MEX3C: variants seen among roughly 807,000 people sequenced by gnomAD.
MEX3C encodes mex-3 RNA binding family member C, also known as RNA-binding E3 ubiquitin-protein ligase MEX3C.
MEX3C carries 15 observed loss-of-function variants against 35.5 expected under a neutral mutation model. The observed-to-expected ratio is 0.42, with a 90% CI of 0.28 to 0.65. MEX3C has a LOEUF of 0.65. Among genes scored for constraint, MEX3C ranks in the 30% least tolerant of loss-of-function variants. The pLI is 0.20. For synonymous variants in MEX3C, 390 were observed against 352.8 expected (o/e 1.11, Z -1.18); for missense variants, 711 against 842.8 (o/e 0.84, Z 1.94).
In MEX3C at chr18:51,176,410, T is replaced by C; in HGVS notation, c.1921A>G (p.Thr641Ala). ...GTCTGGCAAACTGGACATGATGGCG[T>C]TCTCTTTTCACAGATCTTGTTGGCA... Reference protein sequence around the residue: ...ECANKICEKRTPSCPVCQTAV... With the variant: ...ECANKICEKRAPSCPVCQTAV... The change falls in exon 2 of 2, where the codon ACG (threonine) becomes GCG (alanine). Residue 641 changes from threonine (T) to alanine (A), a missense_variant. By Grantham distance (58) the Thr-to-Ala change is moderately conservative. Coordinates refer to ENST00000406189, the MANE Select transcript of MEX3C (RefSeq NM_016626.5). The C allele has an allele frequency of 6.2e-7, 1 of 1,613,996 alleles. No individual in the cohort carries two copies. Among genetic ancestry groups the C allele is most frequent in the Non-Finnish European group, 8.5e-7 (1 of 1,179,886 alleles).
At position 51,197,316 on chromosome 18, in the gene MEX3C, G is replaced by T. The variant is rs1271468900; in HGVS notation, c.5C>A (p.Pro2His). 1.9e-6 allele frequency: 1 copy of T among 514,898 alleles called. No individual in the cohort carries two copies. The highest frequency in any genetic ancestry group is 2.5e-6 in the Non-Finnish European group (1 of 401,702). The allele number at this position is 514,898 out of a possible 1,614,324, so 31.9% of individuals were successfully genotyped here. Residue 2 changes from proline (P) to histidine (H), a missense_variant, in exon 1 of 2, where the codon CCC becomes CAC. Physicochemically the swap from Pro to His is moderately conservative, Grantham distance 77. Around this residue, in one of 4 missense-constraint regions of MEX3C, gnomAD observed 354 missense variants for 311.6 expected, o/e 1.14. Coordinates refer to ENST00000406189, the MANE Select transcript of MEX3C (RefSeq NM_016626.5). MPSGSSAALALA... is the reference protein window; with the variant it reads MHSGSSAALALA... ...GGCCAGGGCCGCGGAGCTGCCGCTG[G>T]GCATCGCGGCGGCGCGCTGTCAATG...
intron 1 of MEX3C, chr18:51,196,356 C>A (rs1242131021): frequency 1.7e-6 from 2 of 1,195,468 alleles, no homozygotes; most frequent in South Asian, 1.6e-5. Flanking sequence ...AAACTTCACA[C>A]TTTTTACCAG....
rs760624106 is a variant in MEX3C, at chr18:51,196,879, C to T, written c.442G>A (p.Ala148Thr). 49 of 1,539,818 alleles carry T rather than the reference C, an allele frequency of 3.2e-5. No homozygotes were observed. Among genetic ancestry groups the T allele is most frequent in the Non-Finnish European group, 4.0e-5 (46 of 1,145,504 alleles). ...TGCTGGGTCTGAGAGGCGGTGGCCG[C>T]GGGCGGCGACAGCAGCAGCAGCGAC... is the stretch of plus-strand genomic sequence containing the variant. ...RSSLLLLSPP[A>T]ATASQTQQIP... Residue 148 changes from alanine (A) to threonine (T), a missense_variant, in exon 1 of 2, where the codon GCG becomes ACG. Ala to Thr is a moderately conservative substitution (Grantham distance 58). Transcript: ENST00000406189.
chr18:51,185,132 A>C (rs924649400), intron 1 of MEX3C, among the ~76,000 whole-genome samples: 1 of 152,232 alleles, frequency 6.6e-6, no homozygotes, highest in Non-Finnish European at 1.5e-5. Flanking sequence ...GCTAAAATCA[A>C]GGTGTTTGCA....
chr18:51,197,291 G>T lies in MEX3C; in HGVS notation c.30C>A (p.Ala10=), dbSNP rs541929504. ...GCAGGGGGGCCGGGGCCGCCGCCAG[G>T]GCCAGGGCCGCGGAGCTGCCGCTGG... The part of the protein sequence containing the change: MPSGSSAAL[A]LAAAPAPLPQ... The change falls in exon 1 of 2, where the codon GCC becomes GCA. Residue 10 remains alanine (A), a synonymous_variant. Transcript: ENST00000406189. 1 of 709,810 alleles carries T rather than the reference G, an allele frequency of 1.4e-6. No homozygotes were observed. Among genetic ancestry groups the T allele is most frequent in the Non-Finnish European group, 1.7e-6 (1 of 580,906 alleles). The allele number at this position is 709,810 out of a possible 1,614,324, so 44.0% of individuals were successfully genotyped here.
chr18:51,176,656 T>C lies in MEX3C; in HGVS notation c.1675A>G (p.Arg559Gly). The C allele has an allele frequency of 6.2e-7, 1 of 1,613,962 alleles. No individual in the cohort carries two copies. The highest frequency in any genetic ancestry group is 8.5e-7 in the Non-Finnish European group (1 of 1,179,886). ...PESIEHPLARRVRSDPPSTGN... is the reference protein window; with the variant it reads ...PESIEHPLARGVRSDPPSTGN... The stretch of plus-strand genomic sequence containing the variant: ...GTACTAGGTGGGTCGCTCCTAACCC[T>C]CCGAGCAAGTGGATGTTCTATGCTC... The change falls in exon 2 of 2, where the codon AGG (arginine) becomes GGG (glycine). Residue 559 changes from arginine to glycine, a missense_variant. This residue lies in a region of MEX3C where 87 missense variants were observed against 150.4 expected (regional missense o/e 0.58). Coordinates refer to ENST00000406189, the MANE Select transcript of MEX3C (RefSeq NM_016626.5).
At chr18:51,180,308 T>G (rs1912396706) in intron 1 of MEX3C, among the ~76,000 whole-genome samples, 1 of 151,996 alleles carries the variant, frequency 6.6e-6, no homozygotes, top group South Asian at 2.1e-4. Flanking sequence ...AATAAATAGG[T>G]GTTTAATGTA....
chr18:51,196,756 C>T lies in MEX3C; in HGVS notation c.565G>A (p.Gly189Arg). Residue 189 changes from glycine to arginine, a missense_variant, in exon 1 of 2, where the codon GGA (glycine) becomes AGA (arginine). Transcript: ENST00000406189. ...AAAAAAGVLY[G>R]GDDAQGMMAA... ...ATCATGCCCTGGGCATCGTCCCCTC[C>T]GTACAGCACCCCCGCCGCCGCCGCC... The T allele has an allele frequency of 4.0e-6, 6 of 1,511,022 alleles. No individual in the cohort carries two copies. Among genetic ancestry groups the T allele is most frequent in the Middle Eastern group, 3.5e-4 (2 of 5,728 alleles). The allele number at this position is 1,511,022 out of a possible 1,614,324, so 93.6% of individuals were successfully genotyped here. A position where few individuals can be genotyped will look rare whatever the true frequency, so the allele number is the denominator to read the frequency against.
At chr18:51,185,773 G>GT (rs1912523519) in intron 1 of MEX3C, among the ~76,000 whole-genome samples, 1 of 152,112 alleles carries the variant, frequency 6.6e-6, no homozygotes, top group Non-Finnish European at 1.5e-5. Flanking sequence ...TAAAAATCAA[G>GT]TAAGGGCTGA....
Position 51,176,110 on chromosome 18 carries a change from A to T in MEX3C, c.*241T>A. 1 of 373,314 alleles carries T rather than the reference A, an allele frequency of 2.7e-6. No individual in the cohort carries two copies. 23.1% of individuals were successfully genotyped at this position (373,314 alleles called of 1,614,324 possible). ...TTCAGCTTTAGCAATTCTTATATAA[A>T]CTATGTCTCTGGGTCTACAGGATAG... On this transcript the variant is annotated 3_prime_UTR_variant, in exon 2 of 2. Coordinates refer to ENST00000406189, the MANE Select transcript of MEX3C (RefSeq NM_016626.5).
chr18:51,185,962 T>C (rs1177836498), intron 1 of MEX3C, among the ~76,000 whole-genome samples: 1 of 152,144 alleles, frequency 6.6e-6, no homozygotes, highest in East Asian at 1.9e-4. Flanking sequence ...GCCAAGTGTT[T>C]ACAATGACTT....
At position 51,175,385 on chromosome 18, in the gene MEX3C, A is replaced by C. The variant is rs1912277144; in HGVS notation, c.*966T>G. ...TGAAGTAAACTGATTGGAGGTTGTC[A>C]CAGCTGCTTTTGTGAATTATGCCAA... On this transcript the variant is annotated 3_prime_UTR_variant, in exon 2 of 2. Transcript: ENST00000406189. 1 of 152,594 alleles carries C rather than the reference A, an allele frequency of 6.6e-6. No homozygotes were observed. Among genetic ancestry groups the C allele is most frequent in the South Asian group, 2.1e-4 (1 of 4,828 alleles). 9.5% of individuals were successfully genotyped at this position (152,594 alleles called of 1,614,324 possible). A position where few individuals can be genotyped will look rare whatever the true frequency, so the allele number is the denominator to read the frequency against.
chr18:51,176,608 T>C lies in MEX3C; in HGVS notation c.1723A>G (p.Ile575Val), dbSNP rs753465483. 20 of 1,613,860 alleles carry C rather than the reference T, an allele frequency of 1.2e-5. No individual in the cohort carries two copies. Among genetic ancestry groups the C allele is most frequent in the East Asian group, 4.5e-5 (2 of 44,888 alleles). Residue 575 changes from isoleucine (I) to valine (V), a missense_variant, in exon 2 of 2, where the codon ATA (isoleucine) becomes GTA (valine). Ile to Val is a conservative substitution (Grantham distance 29, BLOSUM62 3). Coordinates refer to ENST00000406189, the MANE Select transcript of MEX3C (RefSeq NM_016626.5). Reference sequence around the variant, plus strand: ...CCATTAGAAAAAGCAGGGATATATATTGGAAGGCCAACATGGTTGCCTGTA... The same window carrying C: ...CCATTAGAAAAAGCAGGGATATATACTGGAAGGCCAACATGGTTGCCTGTA... ...PSTGNHVGLP[I>V]YIPAFSNGTN...
chr18:51,185,358 T>A (rs1912515300), intron 1 of MEX3C, among the ~76,000 whole-genome samples: 1 of 152,080 alleles, frequency 6.6e-6, no homozygotes. Flanking sequence ...GCTTCACATC[T>A]TCTTTTTCAG....
At position 51,176,277 on chromosome 18, in the gene MEX3C, T is replaced by C; in HGVS notation, c.*74A>G. 7.4e-7 allele frequency: 1 copy of C among 1,346,550 alleles called. No homozygotes were observed. Among genetic ancestry groups the C allele is most frequent in the South Asian group, 1.5e-5 (1 of 65,200 alleles). 83.4% of individuals were successfully genotyped at this position (1,346,550 alleles called of 1,614,324 possible). The stretch of plus-strand genomic sequence containing the variant: ...AGTCATAAGAAATCATTAGGAAGTT[T>C]ACTGGGGGGTACCATTATACCCATG... On this transcript the variant is annotated 3_prime_UTR_variant, in exon 2 of 2. Coordinates refer to ENST00000406189, the MANE Select transcript of MEX3C (RefSeq NM_016626.5).
chr18:51,193,793 C>T (rs1262355083), intron 1 of MEX3C: 1 of 152,144 alleles, frequency 6.6e-6, no homozygotes, highest in African/African-American at 2.4e-5. Flanking sequence ...GTATCAAAAG[C>T]GGTAGTTTGT....
chr18:51,181,307 AAC>A (rs903874991), intron 1 of MEX3C, among the ~76,000 whole-genome samples: 5 of 144,060 alleles, frequency 3.5e-5, no homozygotes, highest in African/African-American at 9.9e-5. Context: ...CACACACACA[AAC>A]ACACACATAC....
intron 1 of MEX3C, among the ~76,000 whole-genome samples, chr18:51,182,706 T>C (rs886163894): frequency 3.3e-5 from 5 of 152,262 alleles, no homozygotes; most frequent in Middle Eastern, 3.4e-3. Context: ...TTCCTAGCCT[T>C]AGAAATTAAG....
rs575091553 is a variant in MEX3C at position 51,182,647 on chromosome 18, T to C, written c.755-5071A>G. Among the ~76,000 whole-genome samples the C allele has an allele frequency of 1.6e-4, 25 of 152,274 alleles. No individual in the cohort carries two copies. The South Asian group carries it at 2.3e-3, about 14-fold the overall frequency. ...GAACTCTGGTCCTCTCACTCCCTAATACAGCAAAGGATTCTGCCTTGCTTC... is the reference window on the plus strand; with the variant it reads ...GAACTCTGGTCCTCTCACTCCCTAACACAGCAAAGGATTCTGCCTTGCTTC... On this transcript the variant is annotated intron_variant, in intron 1 of 1. Transcript: ENST00000406189.
Sources: gnomAD v4.1 joint callset for allele counts (sites outside exome capture counted in the v4.1 genomes callset) on GRCh38, gnomAD v4.1.1 for gene constraint, gnomAD v4.1.1 regional missense constraint, MANE v1.5 for transcripts, NCBI Gene and HGNC (gene_info 2026-07-23, HGNC 2026-07-21) for gene names.